The following RPS6KC1 variants were observed in gnomAD, a reference collection of about 807,000 sequenced individuals.
RPS6KC1 encodes the protein inactive ribosomal protein S6 kinase delta-1.
In RPS6KC1, 54 loss-of-function variants were observed where a neutral mutation model predicts 103.8. The observed-to-expected ratio is 0.52, with a 90% CI of 0.42 to 0.65. The LOEUF is 0.65. Among genes scored for constraint, RPS6KC1 ranks in the 30% least tolerant of loss-of-function variants. The probability of loss-of-function intolerance (pLI) is 0.00; values close to 1 mark genes in which losing one functional copy is unlikely to be tolerated. For synonymous variants in RPS6KC1, 439 were observed against 438.7 expected (o/e 1.00, Z -0.01); for missense variants, 1,151 against 1,253.8 (o/e 0.92, Z 1.24).
chr1:213,574,548 T>C, the RPS6KC1 span, among the ~76,000 whole-genome samples: 2 of 152,134 alleles, frequency 1.3e-5, no homozygotes, highest in South Asian at 4.2e-4. Context: ...GCTTGCAATC[T>C]AATAAGGAAG....
chr1:213,732,360 C>T, the RPS6KC1 span, among the ~76,000 whole-genome samples: 114,060 of 150,816 alleles, frequency 0.76, 43,010 homozygotes, highest in Middle Eastern at 0.92. Context: ...TGTGCGTGTG[C>T]GTGTGTGTGT....
the RPS6KC1 span, among the ~76,000 whole-genome samples, chr1:213,457,202 T>C: frequency 1.3e-5 from 2 of 152,228 alleles, no homozygotes; most frequent in African/African-American, 4.8e-5. Flanking sequence ...TTCTGTTCTT[T>C]CCAGCTGTCT....
the RPS6KC1 span, among the ~76,000 whole-genome samples, chr1:213,831,326 A>G: frequency 2.6e-5 from 4 of 152,208 alleles, no homozygotes; most frequent in African/African-American, 9.7e-5. Context: ...TTATCAGAGG[A>G]AGACTGGGGA....
the RPS6KC1 span, among the ~76,000 whole-genome samples, chr1:213,611,908 T>C: frequency 1.3e-5 from 2 of 152,186 alleles, no homozygotes; most frequent in Non-Finnish European, 2.9e-5. Flanking sequence ...GCCTCCTTCC[T>C]GGAGAAACCT....
chr1:213,212,704 A>G lies in RPS6KC1; in HGVS notation c.1045-17793A>G, dbSNP rs528823578. ...GTGTTATTTTGCATTTCCAGTAGCAATGAATGAAAGTTTCTGTTGCTTTAT... is the reference window on the plus strand; with the variant it reads ...GTGTTATTTTGCATTTCCAGTAGCAGTGAATGAAAGTTTCTGTTGCTTTAT... On this transcript the variant is annotated intron_variant, in intron 8 of 14. Coordinates refer to ENST00000366960, the MANE Select transcript of RPS6KC1 (RefSeq NM_012424.6). Among the ~76,000 whole-genome samples, 45 of 152,380 alleles carry G rather than the reference A, an allele frequency of 3.0e-4. No individual in the cohort carries two copies. The East Asian group carries it at 8.3e-3, about 28-fold the overall frequency.
At chr1:213,728,948 G>GT in the RPS6KC1 span, among the ~76,000 whole-genome samples, 1,258 of 91,284 alleles carry the variant, frequency 0.014, 30 homozygotes, top group Non-Finnish European at 0.019. Context: ...TTTTTTTTTT[G>GT]TTTTTTTTTT....
At chr1:213,560,782 C>T in the RPS6KC1 span, among the ~76,000 whole-genome samples, 2 of 152,062 alleles carry the variant, frequency 1.3e-5, no homozygotes, top group South Asian at 2.1e-4. Context: ...GTAAAGGGCC[C>T]AGATGGATGT....
chr1:213,342,800 G>T, the RPS6KC1 span, among the ~76,000 whole-genome samples: 1 of 152,164 alleles, frequency 6.6e-6, no homozygotes, highest in South Asian at 2.1e-4. Flanking sequence ...AGAACTAAAA[G>T]ATAGAGATGA....
chr1:213,642,230 C>T, the RPS6KC1 span, among the ~76,000 whole-genome samples: 2 of 152,080 alleles, frequency 1.3e-5, no homozygotes, highest in African/African-American at 4.8e-5. Context: ...TCGTTTTTGG[C>T]ACCCATCCCT....
chr1:213,406,149 A>G, the RPS6KC1 span, among the ~76,000 whole-genome samples: 1 of 152,128 alleles, frequency 6.6e-6, no homozygotes, highest in African/African-American at 2.4e-5. Flanking sequence ...GGGGCTGGTG[A>G]ATTTCCACTG....
At chr1:213,384,964 A>C in the RPS6KC1 span, among the ~76,000 whole-genome samples, 2 of 152,134 alleles carry the variant, frequency 1.3e-5, no homozygotes. Context: ...TTAGGGTCAT[A>C]TGTTTTACTG....
chr1:213,095,763 CTA>C (rs2081394020), intron 3 of RPS6KC1, among the ~76,000 whole-genome samples: 1 of 152,108 alleles, frequency 6.6e-6, no homozygotes, highest in South Asian at 2.1e-4. Context: ...TGCAGTAGCA[CTA>C]TGTCTTAAAA....
intron 4 of RPS6KC1, among the ~76,000 whole-genome samples, chr1:213,105,827 T>C (rs145170248): frequency 0.011 from 1,607 of 152,352 alleles, 29 homozygotes; most frequent in African/African-American, 0.032. Context: ...ATTGTTTCTA[T>C]GTGTCAGGGA....
chr1:213,662,304 G>A, the RPS6KC1 span, among the ~76,000 whole-genome samples: 1 of 151,792 alleles, frequency 6.6e-6, no homozygotes, highest in African/African-American at 2.4e-5. Flanking sequence ...ATCTTGCCAT[G>A]TCACCCAGGC....
At chr1:213,619,074 G>A in the RPS6KC1 span, among the ~76,000 whole-genome samples, 1 of 152,168 alleles carries the variant, frequency 6.6e-6, no homozygotes, top group Non-Finnish European at 1.5e-5. Context: ...AAACAATAAA[G>A]AGATGTATTA....
chr1:213,763,909 A>G, the RPS6KC1 span, among the ~76,000 whole-genome samples: 444 of 152,326 alleles, frequency 2.9e-3, 3 homozygotes, highest in African/African-American at 0.01. Context: ...ATCTTCATGT[A>G]GACATTTTGC....
At chr1:213,826,455 T>C in the RPS6KC1 span, among the ~76,000 whole-genome samples, 1 of 152,194 alleles carries the variant, frequency 6.6e-6, no homozygotes, top group Non-Finnish European at 1.5e-5. Context: ...GGTTGGTCAT[T>C]TTAGTTTCAA....
At chr1:213,563,381 A>AT in the RPS6KC1 span, among the ~76,000 whole-genome samples, 1 of 151,802 alleles carries the variant, frequency 6.6e-6, no homozygotes, top group Non-Finnish European at 1.5e-5. Context: ...TATATATCTG[A>AT]TTTTTTAAAA....
the RPS6KC1 span, among the ~76,000 whole-genome samples, chr1:213,576,371 G>GTTTT: frequency 2.1e-5 from 3 of 140,120 alleles, no homozygotes; most frequent in African/African-American, 5.2e-5. Flanking sequence ...GATACTGTGG[G>GTTTT]TTTTTTTTTT....
Sources: allele counts gnomAD v4.1 joint callset (sites outside exome capture counted in the v4.1 genomes callset), GRCh38; gene constraint gnomAD v4.1.1; transcripts MANE v1.5; gene names NCBI Gene and HGNC (gene_info 2026-07-23, HGNC 2026-07-21).